Variants in SH3BP5 observed in about 807,000 individuals in gnomAD.
SH3BP5 encodes SH3 domain binding protein 5.
In SH3BP5, 22 loss-of-function variants were observed where a neutral mutation model predicts 43.3. That is an observed-to-expected ratio of 0.51 (90% CI 0.36 to 0.73). The LOEUF is 0.73. Ranked by LOEUF, SH3BP5 falls within the 30% of genes least tolerant of loss-of-function variation. SH3BP5 has a pLI of 0.00. For missense variants in SH3BP5, 529 were observed against 586.9 expected, an observed-to-expected ratio of 0.90 and a Z score of 1.02; for synonymous variants, 255 against 225.8, an observed-to-expected ratio of 1.13 and a Z score of -1.16.
intron 6 of SH3BP5, chr3:15,259,541 G>C (rs1337107212): frequency 1.6e-6 from 1 of 633,696 alleles, no homozygotes; most frequent in South Asian, 1.8e-5. Context: ...AGAACCACTG[G>C]CCTAGTACAA....
intron 2 of SH3BP5, among the ~76,000 whole-genome samples, chr3:15,315,889 C>A (rs1698172698): frequency 6.6e-6 from 1 of 152,120 alleles, no homozygotes; most frequent in African/African-American, 2.4e-5. Flanking sequence ...GCCCCTTTAC[C>A]CTGAAATATT....
At position 15,269,850 on chromosome 3, in the gene SH3BP5, G is replaced by T. The variant is rs746865449; in HGVS notation, c.358C>A (p.Gln120Lys). 3.8e-6 allele frequency: 6 copies of T among 1,568,864 alleles called. No individual in the cohort carries two copies. The Admixed American group carries it at 9.3e-5, about 24-fold the overall frequency. ...ACCTCTGTGGCCCTCTGGAAGTCCT[G>T]CGTGGCTTTCTGAGCTTCCAGCTGA... ...QAQLEAQKATQDFQRATEVLR... is the reference protein window; with the variant it reads ...QAQLEAQKATKDFQRATEVLR... The change falls in exon 4 of 9, where the codon CAG (glutamine) becomes AAG (lysine). Residue 120 changes from glutamine to lysine, a missense_variant. By Grantham distance (53) the Gln-to-Lys change is moderately conservative. Transcript: ENST00000383791.
chr3:15,286,156 C>G (rs1456760410), intron 3 of SH3BP5, among the ~76,000 whole-genome samples: 1 of 152,226 alleles, frequency 6.6e-6, no homozygotes, highest in Non-Finnish European at 1.5e-5. Context: ...CAAGGGCATA[C>G]ACAGCTAGTG....
intron 3 of SH3BP5, among the ~76,000 whole-genome samples, chr3:15,280,140 G>T (rs1445881579): frequency 6.6e-6 from 1 of 152,152 alleles, no homozygotes; most frequent in Non-Finnish European, 1.5e-5. Flanking sequence ...GGGCCTGCCA[G>T]CTACACACAG....
intron 2 of SH3BP5, among the ~76,000 whole-genome samples, chr3:15,306,887 G>A (rs1258657806): frequency 6.6e-6 from 1 of 151,952 alleles, no homozygotes; most frequent in African/African-American, 2.4e-5. Context: ...TGTCCAGCCT[G>A]GTCTCAAACT....
chr3:15,302,848 G>A (rs1202098586), intron 3 of SH3BP5, among the ~76,000 whole-genome samples: 5 of 149,702 alleles, frequency 3.3e-5, no homozygotes, highest in African/African-American at 7.4e-5. Context: ...GTGCTCTGTC[G>A]CCCAGGCTGG....
At chr3:15,324,144 C>T (rs1405100841) in intron 2 of SH3BP5, among the ~76,000 whole-genome samples, 3 of 152,332 alleles carry the variant, frequency 2.0e-5, no homozygotes, top group African/African-American at 7.2e-5. Context: ...TCTCCCCACC[C>T]CAACCTTCCT....
At chr3:15,304,293 A>G (rs761655196) in intron 2 of SH3BP5, 62 bp from the exon 3 acceptor site, 1 of 1,612,180 alleles carries the variant, frequency 6.2e-7, no homozygotes, top group Non-Finnish European at 8.5e-7. Flanking sequence ...GCAAACACCT[A>G]CTGGACCTAG....
intron 4 of SH3BP5, among the ~76,000 whole-genome samples, chr3:15,266,301 A>T (rs1363333991): frequency 6.6e-6 from 1 of 152,234 alleles, no homozygotes; most frequent in Non-Finnish European, 1.5e-5. Flanking sequence ...GGCTGTCGTG[A>T]GCAGCTCCTC....
At chr3:15,320,635 C>CACACACACACACACACACACACACAT (rs773355544) in intron 2 of SH3BP5, among the ~76,000 whole-genome samples, 23 of 151,046 alleles carry the variant, frequency 1.5e-4, no homozygotes, top group Non-Finnish European at 3.4e-4. Context: ...CACACACACA[C>CACACACACACACACACACACACACAT]ACACACCCCA....
At chr3:15,282,114 A>G (rs1697148348) in intron 3 of SH3BP5, among the ~76,000 whole-genome samples, 2 of 152,184 alleles carry the variant, frequency 1.3e-5, no homozygotes, top group South Asian at 4.1e-4. Flanking sequence ...GAGAACCAGG[A>G]AGAACAGAGT....
chr3:15,311,009 C>A, intron 2 of SH3BP5, among the ~76,000 whole-genome samples: 1 of 152,144 alleles, frequency 6.6e-6, no homozygotes. Context: ...ACCTCAATTA[C>A]CTTGCCTGGA....
intron 2 of SH3BP5, among the ~76,000 whole-genome samples, chr3:15,320,220 A>G (rs941704365): frequency 6.6e-6 from 1 of 151,106 alleles, no homozygotes; most frequent in African/African-American, 2.5e-5. Flanking sequence ...GCTGGGCTGC[A>G]GTTATAATAA....
At chr3:15,256,393 G>A (rs976834556) in intron 8 of SH3BP5, 90 bp from the exon 9 acceptor site, 3 of 1,384,742 alleles carry the variant, frequency 2.2e-6, no homozygotes, top group Non-Finnish European at 3.0e-6. Context: ...AGTGAGTATT[G>A]ACAATTCTAA....
intron 2 of SH3BP5, among the ~76,000 whole-genome samples, chr3:15,313,880 T>A (rs1033395325): frequency 3.9e-5 from 6 of 152,038 alleles, no homozygotes; most frequent in African/African-American, 1.4e-4. Flanking sequence ...GGTGGGAGGA[T>A]CTCCTGAGTT....
At chr3:15,314,564 G>C (rs1698140421) in intron 2 of SH3BP5, among the ~76,000 whole-genome samples, 2 of 152,202 alleles carry the variant, frequency 1.3e-5, no homozygotes, top group African/African-American at 4.8e-5. Context: ...TAGGAGCCAG[G>C]AAGAAGCAGA....
At chr3:15,292,783 G>C (rs750704916) in intron 3 of SH3BP5, among the ~76,000 whole-genome samples, 20 of 151,544 alleles carry the variant, frequency 1.3e-4, no homozygotes, top group Non-Finnish European at 2.5e-4. Flanking sequence ...GGGAGGCGGA[G>C]GTTGTGGTGA....
intron 3 of SH3BP5, among the ~76,000 whole-genome samples, chr3:15,289,200 G>A (rs890991290): frequency 2.0e-5 from 3 of 152,060 alleles, no homozygotes; most frequent in South Asian, 2.1e-4. Flanking sequence ...TCCATTCCCC[G>A]CTTCATCCTT....
intron 8 of SH3BP5, chr3:15,256,535 C>T (rs1696206915): frequency 3.3e-6 from 2 of 602,170 alleles, no homozygotes; most frequent in Non-Finnish European, 5.8e-6. Context: ...TTATATATTC[C>T]TTAGCTATAG....
Sources: allele counts gnomAD v4.1 joint callset (sites outside exome capture counted in the v4.1 genomes callset), GRCh38; gene constraint gnomAD v4.1.1; transcripts MANE v1.5; gene names NCBI Gene and HGNC (gene_info 2026-07-23, HGNC 2026-07-21).